Variants in PCDHAC2 observed in about 807,000 individuals in gnomAD.
The protein encoded by PCDHAC2 is protocadherin alpha-C2.
A neutral mutation model predicts 63.3 loss-of-function variants in PCDHAC2; 24 were observed. That is an observed-to-expected ratio of 0.38 (90% CI 0.27 to 0.53). PCDHAC2 has a LOEUF of 0.53. Ranked by LOEUF, PCDHAC2 falls within the 20% of genes least tolerant of loss-of-function variation. The pLI is 0.81. For synonymous variants in PCDHAC2, 569 were observed against 529.4 expected (o/e 1.07, Z -1.03); for missense variants, 1,181 against 1,275.2 (o/e 0.93, Z 1.12).
chr5:140,996,837 G>A (rs1382866699), intron 3 of PCDHAC2, among the ~76,000 whole-genome samples: 7 of 151,992 alleles, frequency 4.6e-5, no homozygotes, highest in African/African-American at 7.3e-5. Flanking sequence ...ATAATTTAGC[G>A]TGCATCTTCA....
intron 2 of PCDHAC2, among the ~76,000 whole-genome samples, chr5:140,980,402 T>G (rs1019891422): frequency 2.0e-5 from 3 of 152,020 alleles, no homozygotes; most frequent in African/African-American, 7.2e-5. Context: ...GAGGCCGAGG[T>G]GGGCAGATCA....
rs529433053 is a variant in PCDHAC2 at position 140,985,961 on chromosome 5, A to C, written c.2713+3398A>C. Among the ~76,000 whole-genome samples, 18 of 151,982 alleles carry C rather than the reference A, an allele frequency of 1.2e-4. 1 individual carries two copies. In the South Asian group the frequency reaches 3.3e-3, roughly 28 times the overall value. On this transcript the variant is annotated intron_variant, in intron 3 of 3. Transcript: ENST00000289269. Reference sequence around the variant, plus strand: ...TCACTGTGTTAGCCAGGATGGTCTCAATCTCCTGACCTCGTGATCCGCCCA... The same window carrying C: ...TCACTGTGTTAGCCAGGATGGTCTCCATCTCCTGACCTCGTGATCCGCCCA...
At chr5:140,974,804 A>G (rs2096641388) in intron 1 of PCDHAC2, among the ~76,000 whole-genome samples, 1 of 152,204 alleles carries the variant, frequency 6.6e-6, no homozygotes, top group Non-Finnish European at 1.5e-5. Context: ...TTGATATACT[A>G]GAAGACCAAT....
In PCDHAC2 at chr5:141,010,166, A is replaced by G; in HGVS notation, c.*229A>G. 1 of 1,562,828 alleles carries G rather than the reference A, an allele frequency of 6.4e-7. No homozygotes were observed. The highest frequency in any genetic ancestry group is 8.7e-7 in the Non-Finnish European group (1 of 1,152,678). ...TCTCTCCACTCTGGCTTGTTTTCAG[A>G]ACCTAAAAAGCAGACCCAAGTTTCC... On this transcript the variant is annotated 3_prime_UTR_variant, in exon 4 of 4. Transcript: ENST00000289269.
chr5:140,969,371 T>C (rs2096324872), intron 1 of PCDHAC2, 40 bp downstream of exon 1: 1 of 1,607,688 alleles, frequency 6.2e-7, no homozygotes, highest in Non-Finnish European at 8.5e-7. Context: ...AACTCATGCA[T>C]TTGTTACACA....
chr5:141,006,946 G>A (rs1333269040), intron 3 of PCDHAC2, among the ~76,000 whole-genome samples: 1 of 152,120 alleles, frequency 6.6e-6, no homozygotes, highest in African/African-American at 2.4e-5. Flanking sequence ...TACCAGATAG[G>A]CAGTTATACA....
intron 3 of PCDHAC2, among the ~76,000 whole-genome samples, chr5:140,992,192 C>T (rs2097497943): frequency 6.6e-6 from 1 of 152,124 alleles, no homozygotes; most frequent in Admixed American, 6.5e-5. Flanking sequence ...TTTCAGTGAT[C>T]TATCCAATCA....
At chr5:140,988,851 C>T (rs2097316213) in intron 3 of PCDHAC2, 1 of 152,174 alleles carries the variant, frequency 6.6e-6, no homozygotes, top group Admixed American at 6.5e-5. Context: ...TGAAACCTAT[C>T]CAGTCTCATG....
chr5:141,000,421 ATT>A (rs34755515), intron 3 of PCDHAC2, among the ~76,000 whole-genome samples: 627 of 27,724 alleles, frequency 0.023, 1 homozygote, highest in Middle Eastern at 0.071. Context: ...ATATATATAT[ATT>A]TTTTTTTTTT....
Position 141,010,268 on chromosome 5 carries a change from A to T in PCDHAC2, c.*331A>T. 1 of 1,551,622 alleles carries T rather than the reference A, an allele frequency of 6.4e-7. No homozygotes were observed. Among genetic ancestry groups the T allele is most frequent in the Non-Finnish European group, 8.7e-7 (1 of 1,146,964 alleles). On this transcript the variant is annotated 3_prime_UTR_variant, in exon 4 of 4. Coordinates refer to ENST00000289269, the MANE Select transcript of PCDHAC2 (RefSeq NM_018899.6). ...GGACTCTCTGCCCTGTGCTCCGGGG[A>T]TCCTGTCTTGATGACACTTGCAGGG...
rs1269379462 is a variant in PCDHAC2, at chr5:141,005,696, C to T, written c.2714-3931C>T. 3.0e-4 allele frequency among the ~76,000 whole-genome samples: 31 copies of T among 105,030 alleles called. No individual in the cohort carries two copies. In the East Asian group the frequency reaches 8.2e-3, roughly 28 times the overall value. 68.9% of individuals were successfully genotyped at this position (105,030 alleles called of 152,430 possible). ...CAGCCTGGGCGACAGAGCGAAACTC[C>T]GTCTCAAAAAAAAAAAAAAAAAAAA... is the stretch of plus-strand genomic sequence containing the variant. On this transcript the variant is annotated intron_variant, in intron 3 of 3. Transcript: ENST00000289269.
chr5:140,986,173 C>G (rs1459755039), intron 3 of PCDHAC2, among the ~76,000 whole-genome samples: 1 of 152,202 alleles, frequency 6.6e-6, no homozygotes, highest in Non-Finnish European at 1.5e-5. Flanking sequence ...GCAGGATAAA[C>G]AAGTCAGGCA....
intron 2 of PCDHAC2, among the ~76,000 whole-genome samples, chr5:140,980,278 GAAAAGT>G (rs1267614144): frequency 6.6e-6 from 1 of 152,166 alleles, no homozygotes; most frequent in Non-Finnish European, 1.5e-5. Context: ...ACCAACTCTT[GAAAAGT>G]ACCAAAGCTA....
intron 1 of PCDHAC2, among the ~76,000 whole-genome samples, chr5:140,972,660 A>ATT (rs11350929): frequency 4.2e-4 from 49 of 117,232 alleles, no homozygotes; most frequent in Non-Finnish European, 5.7e-4. Context: ...AAGAAACCAA[A>ATT]TTTTTTTTTT....
Position 141,009,983 on chromosome 5 carries a change from G to A in PCDHAC2, c.*46G>A, listed in dbSNP as rs1554262629. The A allele has an allele frequency of 1.9e-6, 3 of 1,581,862 alleles. No homozygotes were observed. Among genetic ancestry groups the A allele is most frequent in the Non-Finnish European group, 2.6e-6 (3 of 1,167,526 alleles). On this transcript the variant is annotated 3_prime_UTR_variant, in exon 4 of 4. Coordinates refer to ENST00000289269, the MANE Select transcript of PCDHAC2 (RefSeq NM_018899.6). ...CCACTTAGCCAGTTTTTGTAATAAT[G>A]GCAAATCTCTCCCATGTAGCAATTC...
intron 3 of PCDHAC2, among the ~76,000 whole-genome samples, chr5:140,992,981 A>T (rs532135754): frequency 5.3e-5 from 8 of 152,232 alleles, no homozygotes; most frequent in Admixed American, 1.3e-4. Flanking sequence ...TGATTAGGCC[A>T]TGGGACCCAT....
chr5:140,985,554 A>G (rs1563525071), intron 3 of PCDHAC2, among the ~76,000 whole-genome samples: 1 of 152,114 alleles, frequency 6.6e-6, no homozygotes, highest in Non-Finnish European at 1.5e-5. Flanking sequence ...GTTGCTTCCA[A>G]AAGGCTTCTT....
At chr5:140,997,840 A>G (rs2097788062) in intron 3 of PCDHAC2, among the ~76,000 whole-genome samples, 2 of 152,216 alleles carry the variant, frequency 1.3e-5, no homozygotes, top group Non-Finnish European at 2.9e-5. Flanking sequence ...AATACAATAT[A>G]CATTCTTATA....
At chr5:140,994,188 G>T (rs1156320589) in intron 3 of PCDHAC2, among the ~76,000 whole-genome samples, 1 of 152,080 alleles carries the variant, frequency 6.6e-6, no homozygotes, top group Non-Finnish European at 1.5e-5. Flanking sequence ...AAACCACCAG[G>T]GCCTGTTGGT....
Sources: gnomAD v4.1 joint callset for allele counts (sites outside exome capture counted in the v4.1 genomes callset) on GRCh38, gnomAD v4.1.1 for gene constraint, MANE v1.5 for transcripts, NCBI Gene and HGNC (gene_info 2026-07-23, HGNC 2026-07-21) for gene names.